Variants in CDC14A observed in about 807,000 individuals in gnomAD.
The protein encoded by CDC14A is cell division cycle 14A, also known as dual specificity protein phosphatase CDC14A.
In CDC14A, 53 loss-of-function variants were observed where a neutral mutation model predicts 74.4. The observed-to-expected ratio is 0.71, with a 90% CI of 0.57 to 0.89. The LOEUF (loss-of-function observed/expected upper bound fraction) is 0.89, where lower values mean the gene tolerates loss of function less well. CDC14A is among the 40% of genes least tolerant of loss of function. CDC14A has a pLI of 0.00. For missense variants in CDC14A, 646 were observed against 713.7 expected, an observed-to-expected ratio of 0.91 and a Z score of 1.08; for synonymous variants, 247 against 258.4, an observed-to-expected ratio of 0.96 and a Z score of 0.43.
At chr1:100,420,120 GTTTTTTTTTT>G (rs61463263) in intron 4 of CDC14A, among the ~76,000 whole-genome samples, 3 of 48,204 alleles carry the variant, frequency 6.2e-5, no homozygotes, top group Admixed American at 2.5e-4. Flanking sequence ...TGCTGAAAAG[GTTTTTTTTTT>G]TTTTTTTTTT....
At chr1:100,511,363 C>G (rs1649771339) in intron 15 of CDC14A, among the ~76,000 whole-genome samples, 1 of 152,226 alleles carries the variant, frequency 6.6e-6, no homozygotes, top group Non-Finnish European at 1.5e-5. Context: ...GGTGGCCCCT[C>G]ATTCTGGTGA....
At chr1:100,419,658 G>C (rs1210741325) in intron 4 of CDC14A, among the ~76,000 whole-genome samples, 1 of 152,012 alleles carries the variant, frequency 6.6e-6, no homozygotes, top group South Asian at 2.1e-4. Context: ...TCCTTTTTTG[G>C]CATAAGTCTT....
At chr1:100,475,978 G>A (rs1668853924) in intron 10 of CDC14A, among the ~76,000 whole-genome samples, 1 of 152,166 alleles carries the variant, frequency 6.6e-6, no homozygotes, top group Admixed American at 6.5e-5. Context: ...CTATAGCCTG[G>A]CAGCGTGGAA....
intron 15 of CDC14A, among the ~76,000 whole-genome samples, chr1:100,504,268 T>C (rs1327179715): frequency 6.6e-6 from 1 of 152,214 alleles, no homozygotes; most frequent in African/African-American, 2.4e-5. Context: ...TCTTCAAACA[T>C]TTGCAGGGAT....
intron 7 of CDC14A, among the ~76,000 whole-genome samples, chr1:100,450,822 A>G (rs142644393): frequency 2.2e-3 from 331 of 152,134 alleles, no homozygotes; most frequent in Non-Finnish European, 3.6e-3. Context: ...TTAATCTCCA[A>G]ACTTCTTAAG....
intron 6 of CDC14A, among the ~76,000 whole-genome samples, chr1:100,441,394 T>C (rs1664908640): frequency 6.6e-6 from 1 of 152,238 alleles, no homozygotes; most frequent in Non-Finnish European, 1.5e-5. Context: ...GCTATTTTTG[T>C]GTGGCAACGA....
At chr1:100,451,507 A>C (rs1195276374) in intron 7 of CDC14A, among the ~76,000 whole-genome samples, 1 of 152,264 alleles carries the variant, frequency 6.6e-6, no homozygotes, top group Non-Finnish European at 1.5e-5. Flanking sequence ...ACTTTGCTTT[A>C]AGCTCATAAA....
At chr1:100,504,332 T>C (rs1274197310) in intron 15 of CDC14A, among the ~76,000 whole-genome samples, 2 of 152,304 alleles carry the variant, frequency 1.3e-5, no homozygotes, top group East Asian at 3.9e-4. Flanking sequence ...TCTCTTGGAA[T>C]TTTTCCTTTC....
chr1:100,368,240 C>T (rs551932790), intron 2 of CDC14A, among the ~76,000 whole-genome samples: 2 of 152,302 alleles, frequency 1.3e-5, no homozygotes, highest in Non-Finnish European at 2.9e-5. Flanking sequence ...CCATTAGCTA[C>T]GTGTGGCTTT....
At chr1:100,414,411 G>C (rs1339232144) in intron 4 of CDC14A, among the ~76,000 whole-genome samples, 1 of 152,210 alleles carries the variant, frequency 6.6e-6, no homozygotes, top group Non-Finnish European at 1.5e-5. Flanking sequence ...TTCTATAATT[G>C]CTAACAGGTG....
Position 100,352,617 on chromosome 1 carries a change from G to GGGAA in CDC14A, c.-336_-333dup. ...CCTCCATGATCACTTTGGAAGCCGGGGGAAGACTTTGCCCTGCCCTGAGAG... is the reference window on the plus strand; with the variant it reads ...CCTCCATGATCACTTTGGAAGCCGGGGGAAGGAAGACTTTGCCCTGCCCTGAGAG... On this transcript the variant is annotated 5_prime_UTR_variant, in exon 1 of 16. An upstream open reading frame in the 5' UTR gains an earlier in-frame stop. Transcript: ENST00000336454. 8.6e-7 allele frequency: 1 copy of GGGAA among 1,165,758 alleles called. No individual in the cohort carries two copies. Among genetic ancestry groups the GGGAA allele is most frequent in the Non-Finnish European group, 1.1e-6 (1 of 943,204 alleles). 72.2% of individuals were successfully genotyped at this position (1,165,758 alleles called of 1,614,324 possible).
Position 100,391,280 on chromosome 1 carries a change from A to G in CDC14A, c.309+456A>G, listed in dbSNP as rs144703851. 1.8e-4 allele frequency among the ~76,000 whole-genome samples: 27 copies of G among 152,072 alleles called. No homozygotes were observed. The East Asian group carries it at 5.0e-3, about 28-fold the overall frequency. On this transcript the variant is annotated intron_variant, in intron 4 of 15. Transcript: ENST00000336454. ...TTTATCAATCCATTCATTAATTTATACAATTGTTTGCAGTAGGCAAACTGA... is the reference window on the plus strand; with the variant it reads ...TTTATCAATCCATTCATTAATTTATGCAATTGTTTGCAGTAGGCAAACTGA...
chr1:100,382,043 A>G (rs1206289206), intron 3 of CDC14A, among the ~76,000 whole-genome samples: 2 of 151,860 alleles, frequency 1.3e-5, no homozygotes, highest in Admixed American at 6.6e-5. Flanking sequence ...TTTTGTATGT[A>G]TTTACATTTT....
At chr1:100,420,953 A>G (rs1331012685) in intron 4 of CDC14A, among the ~76,000 whole-genome samples, 1 of 152,196 alleles carries the variant, frequency 6.6e-6, no homozygotes, top group Admixed American at 6.5e-5. Context: ...TAAACAGAAA[A>G]AAGTCACTTT....
intron 3 of CDC14A, among the ~76,000 whole-genome samples, chr1:100,384,096 T>A (rs1196097819): frequency 6.6e-6 from 1 of 152,202 alleles, no homozygotes; most frequent in Non-Finnish European, 1.5e-5. Flanking sequence ...GTGGCTTGTG[T>A]TTTACAAGGA....
In CDC14A at chr1:100,515,235, C is replaced by G. The variant is rs118064222; in HGVS notation, c.1756-3016C>G. 7.2e-3 allele frequency among the ~76,000 whole-genome samples: 1,101 copies of G among 152,264 alleles called. 28 individuals are homozygous for G. Among genetic ancestry groups the G allele is most frequent in the Admixed American group, 0.044 (671 of 15,308 alleles). On this transcript the variant is annotated intron_variant, in intron 15 of 15. Transcript: ENST00000336454. Reference sequence around the variant, plus strand: ...CGTCAGCACAACCCCGTAGGATAACCATGTGATACCTGAAGTTTAAATATT... The same window carrying G: ...CGTCAGCACAACCCCGTAGGATAACGATGTGATACCTGAAGTTTAAATATT...
At chr1:100,516,952 C>A (rs1383817432) in intron 15 of CDC14A, among the ~76,000 whole-genome samples, 1 of 152,210 alleles carries the variant, frequency 6.6e-6, no homozygotes, top group Non-Finnish European at 1.5e-5. Flanking sequence ...GAGAACCACC[C>A]ATTTCCCTTA....
intron 8 of CDC14A, among the ~76,000 whole-genome samples, chr1:100,455,791 G>A (rs955132872): frequency 2.6e-5 from 4 of 152,184 alleles, no homozygotes; most frequent in Admixed American, 2.6e-4. Context: ...CTCATAAGCA[G>A]ATTGCTGTAT....
intron 1 of CDC14A, among the ~76,000 whole-genome samples, chr1:100,353,275 G>A (rs1344524628): frequency 6.6e-6 from 1 of 152,240 alleles, no homozygotes; most frequent in African/African-American, 2.4e-5. Flanking sequence ...GCACTCAGCA[G>A]CTCATGGGGA....
Sources: gnomAD v4.1 joint callset for allele counts (sites outside exome capture counted in the v4.1 genomes callset) on GRCh38, gnomAD v4.1.1 for gene constraint, MANE v1.5 for transcripts, NCBI Gene and HGNC (gene_info 2026-07-23, HGNC 2026-07-21) for gene names.